The following AGTPBP1 variants were observed in gnomAD, a reference collection of about 807,000 sequenced individuals.
AGTPBP1 encodes the protein ATP/GTP binding carboxypeptidase 1.
A neutral mutation model predicts 143.9 loss-of-function variants in AGTPBP1; 70 were observed. The ratio of observed to expected loss-of-function variants is 0.49; its 90% confidence interval spans 0.40 to 0.59. The LOEUF (loss-of-function observed/expected upper bound fraction) is 0.59. Among genes scored for constraint, AGTPBP1 ranks in the 20% least tolerant of loss-of-function variants. The pLI, the probability that AGTPBP1 is intolerant of heterozygous loss-of-function variation, is 0.00. For synonymous variants in AGTPBP1, 463 were observed against 500.2 expected, an observed-to-expected ratio of 0.93 and a Z score of 0.99; for missense variants, 1,229 against 1,464.5, an observed-to-expected ratio of 0.84 and a Z score of 2.62.
At chr9:85,549,463 A>C (rs777811120) in intron 25 of AGTPBP1, among the ~76,000 whole-genome samples, 1 of 152,204 alleles carries the variant, frequency 6.6e-6, no homozygotes. Context: ...CATAAGTGAA[A>C]CTGGTTGCTG....
At chr9:85,798,809 A>G in the AGTPBP1 span, among the ~76,000 whole-genome samples, 1 of 152,154 alleles carries the variant, frequency 6.6e-6, no homozygotes, top group African/African-American at 2.4e-5. Context: ...CTGTAGTCCC[A>G]GCTACTTGGG....
chr9:85,583,299 T>A (rs887655953), intron 23 of AGTPBP1, among the ~76,000 whole-genome samples: 9 of 152,204 alleles, frequency 5.9e-5, no homozygotes, highest in Admixed American at 1.3e-4. Flanking sequence ...TAGGAACTAA[T>A]ATGATTATAA....
intron 1 of AGTPBP1, chr9:85,741,511 G>A: frequency 1.0e-6 from 1 of 985,396 alleles, no homozygotes; most frequent in Non-Finnish European, 1.2e-6. Flanking sequence ...TCTGGGACGG[G>A]GATCCACCGA....
rs574768805 is a variant in AGTPBP1, at chr9:85,606,503, C to CA, written c.2336-10055dup. 1.4e-4 allele frequency among the ~76,000 whole-genome samples: 21 copies of CA among 151,820 alleles called. No individual in the cohort carries two copies. In the East Asian group the frequency reaches 3.9e-3, roughly 28 times the overall value. On this transcript the variant is annotated intron_variant, in intron 17 of 25. Coordinates refer to ENST00000357081, the MANE Select transcript of AGTPBP1 (RefSeq NM_001330701.2). ...TATGGAAAACAGTACAGAAATTTCT[C>CA]AAAAAACTAAAAATAAAACAACATA...
intron 3 of AGTPBP1, among the ~76,000 whole-genome samples, chr9:85,691,422 A>G (rs1436212443): frequency 6.6e-6 from 1 of 152,148 alleles, no homozygotes; most frequent in Middle Eastern, 3.2e-3. Flanking sequence ...TGAAATTTTT[A>G]AAAATTAAAT....
the AGTPBP1 span, among the ~76,000 whole-genome samples, chr9:85,777,706 T>A: frequency 1.3e-5 from 2 of 152,204 alleles, no homozygotes; most frequent in Admixed American, 6.5e-5. Context: ...TCCACATACC[T>A]CTTCCCCAAA....
intron 1 of AGTPBP1, among the ~76,000 whole-genome samples, chr9:85,719,224 G>C (rs1007287096): frequency 6.6e-6 from 1 of 152,140 alleles, no homozygotes; most frequent in African/African-American, 2.4e-5. Flanking sequence ...TAGCTTGATG[G>C]GGATGGCACT....
chr9:85,575,322 C>T lies in AGTPBP1; in HGVS notation c.3496G>A (p.Val1166Ile), dbSNP rs772665182. The T allele has an allele frequency of 6.3e-7, 1 of 1,585,154 alleles. No individual in the cohort carries two copies. The change falls in exon 25 of 26, where the codon GTA becomes ATA. Residue 1166 changes from valine to isoleucine, a missense_variant. By Grantham distance (29) the Val-to-Ile change is conservative. Around this residue, in one of 2 missense-constraint regions of AGTPBP1, gnomAD observed 486 missense variants for 652.3 expected, o/e 0.75. Coordinates refer to ENST00000357081, the MANE Select transcript of AGTPBP1 (RefSeq NM_001330701.2). ...AAAACAATTTTTTCCTACCTAGTTA[C>T]TTTGCAGCTTGATTCAATTAAATCA... ...ENDLIESSCK[V>I]TSPTTYVLDE...
chr9:85,611,155 CTTTTTT>C (rs56023115), intron 17 of AGTPBP1, among the ~76,000 whole-genome samples: 6 of 112,756 alleles, frequency 5.3e-5, no homozygotes, highest in Admixed American at 4.8e-4. Context: ...AGGGGCTTTT[CTTTTTT>C]TTTTTTTTTT....
At chr9:85,619,913 T>C (rs372361629) in intron 15 of AGTPBP1, among the ~76,000 whole-genome samples, 5 of 152,170 alleles carry the variant, frequency 3.3e-5, no homozygotes, top group Admixed American at 1.3e-4. Context: ...CTGTCCAAAA[T>C]AGCACTGGTA....
chr9:85,565,336 T>C (rs554045270), intron 25 of AGTPBP1, among the ~76,000 whole-genome samples: 4 of 152,106 alleles, frequency 2.6e-5, no homozygotes, highest in Non-Finnish European at 5.9e-5. Context: ...AATTGAGGGC[T>C]AAGTTGTGGA....
chr9:85,558,622 A>G (rs1342953282), intron 25 of AGTPBP1, among the ~76,000 whole-genome samples: 2 of 152,040 alleles, frequency 1.3e-5, no homozygotes, highest in African/African-American at 4.8e-5. Flanking sequence ...ACTTACCTAT[A>G]ATTTTTTTTG....
chr9:85,633,011 T>C lies in AGTPBP1; in HGVS notation c.1666A>G (p.Lys556Glu). The C allele has an allele frequency of 6.2e-7, 1 of 1,614,140 alleles. No homozygotes were observed. The highest frequency in any genetic ancestry group is 8.5e-7 in the Non-Finnish European group (1 of 1,180,002). The change falls in exon 14 of 26, where the codon AAG becomes GAG. Residue 556 changes from lysine (K) to glutamate (E), a missense_variant. Coordinates refer to ENST00000357081, the MANE Select transcript of AGTPBP1 (RefSeq NM_001330701.2). The stretch of plus-strand genomic sequence containing the variant: ...ACAGTAAGAGGAAGACTGCAGTCCT[T>C]CTTCATTTCTGCAGTAAAACCTGGG... ...TAPGFTAEMK[K>E]DCSLPLTVLT...
chr9:85,741,839 C>A lies in AGTPBP1; in HGVS notation c.-98G>T. ...GCAGCACCCGGCTCAGCACCTGGATCACGGCGGATCCCTCGCCGCCCGCCG... is the reference window on the plus strand; with the variant it reads ...GCAGCACCCGGCTCAGCACCTGGATAACGGCGGATCCCTCGCCGCCCGCCG... On this transcript the variant is annotated 5_prime_UTR_variant, in exon 1 of 26. Transcript: ENST00000357081. 7 of 1,402,368 alleles carry A rather than the reference C, an allele frequency of 5.0e-6. No homozygotes were observed. The highest frequency in any genetic ancestry group is 6.5e-6 in the Non-Finnish European group (7 of 1,079,576). The allele number at this position is 1,402,368 out of a possible 1,614,324, so 86.9% of individuals were successfully genotyped here.
In AGTPBP1 at chr9:85,711,542, C is replaced by T. The variant is rs575710764; in HGVS notation, c.32+960G>A. Among the ~76,000 whole-genome samples the T allele has an allele frequency of 1.1e-4, 16 of 151,196 alleles. 1 individual carries two copies. The South Asian group carries it at 2.3e-3, about 22-fold the overall frequency. ...GCAACCTCTGACTCTCGGGTTCAAG[C>T]GATTCTCCAGCCTCAGCCTCCAGAG... On this transcript the variant is annotated intron_variant, in intron 2 of 25. Coordinates refer to ENST00000357081, the MANE Select transcript of AGTPBP1 (RefSeq NM_001330701.2).
At chr9:85,659,738 T>C (rs1290336313) in intron 9 of AGTPBP1, among the ~76,000 whole-genome samples, 1 of 152,140 alleles carries the variant, frequency 6.6e-6, no homozygotes, top group Non-Finnish European at 1.5e-5. Flanking sequence ...TTAATAAAAG[T>C]TTAGTTTCAA....
the AGTPBP1 span, among the ~76,000 whole-genome samples, chr9:85,764,536 C>CA: frequency 1.3e-5 from 2 of 151,436 alleles, no homozygotes; most frequent in Admixed American, 6.6e-5. Flanking sequence ...ATGTCAAAAA[C>CA]AAAAAAAGAA....
chr9:85,628,564 T>C (rs1451879346), intron 14 of AGTPBP1, among the ~76,000 whole-genome samples: 1 of 152,046 alleles, frequency 6.6e-6, no homozygotes, highest in Non-Finnish European at 1.5e-5. Flanking sequence ...AGAGAAAACA[T>C]CTCTATAGGG....
At chr9:85,609,082 G>A (rs1030299247) in intron 17 of AGTPBP1, among the ~76,000 whole-genome samples, 15 of 152,088 alleles carry the variant, frequency 9.9e-5, no homozygotes, top group Non-Finnish European at 2.1e-4. Context: ...GAAAGTTAAG[G>A]TATAAGTATA....
Sources: allele counts gnomAD v4.1 joint callset (sites outside exome capture counted in the v4.1 genomes callset), GRCh38; gene constraint gnomAD v4.1.1; regional missense constraint gnomAD v4.1.1; transcripts MANE v1.5; gene names NCBI Gene and HGNC (gene_info 2026-07-23, HGNC 2026-07-21).